The following KIAA0586 variants were observed in gnomAD, a reference collection of about 807,000 sequenced individuals.
KIAA0586 encodes KIAA0586, also known as protein TALPID3.
In KIAA0586, 144 loss-of-function variants were observed where a neutral mutation model predicts 169.8. The ratio of observed to expected loss-of-function variants is 0.85; its 90% CI spans 0.74 to 0.97. KIAA0586 has a LOEUF of 0.97. Among genes scored for constraint, KIAA0586 ranks in the 50% least tolerant of loss-of-function variants. The pLI is 0.00. For missense variants in KIAA0586, 1,854 were observed against 1,823.0 expected (o/e 1.02, Z -0.31); for synonymous variants, 625 against 612.4 (o/e 1.02, Z -0.30).
At chr14:58,447,441 A>ATCTTT (rs2038986373) in intron 6 of KIAA0586, among the ~76,000 whole-genome samples, 1 of 130,600 alleles carries the variant, frequency 7.7e-6, no homozygotes, top group South Asian at 2.6e-4. Flanking sequence ...CTCATTTCAG[A>ATCTTT]TATTTTATTT....
At position 58,445,653 on chromosome 14, in the gene KIAA0586, C is replaced by T. The variant is rs191718775; in HGVS notation, c.807+1478C>T. ...TCTACCATGTTGGCCAGACCAGTCT[C>T]GAACTCTTGGCCTCAAGTGATCCAC... On this transcript the variant is annotated intron_variant, in intron 6 of 30. Coordinates refer to ENST00000652326, the MANE Select transcript of KIAA0586 (RefSeq NM_001329943.3). Among the ~76,000 whole-genome samples, 9 of 151,758 alleles carry T rather than the reference C, an allele frequency of 5.9e-5. No homozygotes were observed. The East Asian group carries it at 1.8e-3, about 30-fold the overall frequency.
At chr14:58,448,296 T>G in intron 6 of KIAA0586, 44 bp from the exon 7 acceptor site, 1 of 1,253,958 alleles carries the variant, frequency 8.0e-7, no homozygotes. Flanking sequence ...TCTAACTCTT[T>G]CAAATGATAT....
intron 27 of KIAA0586, among the ~76,000 whole-genome samples, chr14:58,507,307 TATATC>T (rs1433709565): frequency 6.8e-6 from 1 of 147,212 alleles, no homozygotes; most frequent in Non-Finnish European, 1.5e-5. Flanking sequence ...GTATGATTTA[TATATC>T]ATATATATTT....
intron 4 of KIAA0586, among the ~76,000 whole-genome samples, chr14:58,438,757 T>G (rs560831855): frequency 6.6e-6 from 1 of 152,124 alleles, no homozygotes; most frequent in South Asian, 2.1e-4. Flanking sequence ...CATTGCACCT[T>G]AAAGGAGGAG....
At chr14:58,560,797 T>A in the KIAA0586 span, among the ~76,000 whole-genome samples, 1 of 152,230 alleles carries the variant, frequency 6.6e-6, no homozygotes, top group African/African-American at 2.4e-5. Context: ...CCCCTTTTAA[T>A]AAGAATCTTT....
At chr14:58,543,510 C>G (rs2046794284) in intron 30 of KIAA0586, among the ~76,000 whole-genome samples, 1 of 152,188 alleles carries the variant, frequency 6.6e-6, no homozygotes, top group African/African-American at 2.4e-5. Flanking sequence ...CTCTTATCCC[C>G]TCTGCCTTTT....
intron 28 of KIAA0586, among the ~76,000 whole-genome samples, chr14:58,511,209 C>T (rs546682458): frequency 1.3e-5 from 2 of 152,176 alleles, no homozygotes; most frequent in South Asian, 4.1e-4. Flanking sequence ...TAGAATAAAA[C>T]TATAAAGTGT....
intron 27 of KIAA0586, 41 bp downstream of exon 27, chr14:58,499,001 A>G: frequency 6.7e-7 from 1 of 1,496,592 alleles, no homozygotes; most frequent in Non-Finnish European, 9.0e-7. Context: ...TCATAGTAGT[A>G]TCCCTAATCT....
chr14:58,498,167 T>C (rs1365924972), intron 26 of KIAA0586, among the ~76,000 whole-genome samples: 1 of 152,030 alleles, frequency 6.6e-6, no homozygotes, highest in Non-Finnish European at 1.5e-5. Flanking sequence ...TGAGCCACCG[T>C]GCCCAGCTGA....
At chr14:58,434,155 T>C (rs2037615254) in intron 4 of KIAA0586, among the ~76,000 whole-genome samples, 3 of 152,098 alleles carry the variant, frequency 2.0e-5, no homozygotes, top group Admixed American at 2.0e-4. Context: ...AATAAGCAAA[T>C]CTTGGACAAG....
intron 5 of KIAA0586, among the ~76,000 whole-genome samples, chr14:58,443,163 C>T (rs113916345): frequency 1.6e-3 from 240 of 152,284 alleles, no homozygotes; most frequent in African/African-American, 5.5e-3. Flanking sequence ...CCTGGATAAT[C>T]GGTTATTCTT....
intron 14 of KIAA0586, among the ~76,000 whole-genome samples, chr14:58,463,812 C>A (rs1473744642): frequency 7.3e-6 from 1 of 136,116 alleles, no homozygotes; most frequent in Non-Finnish European, 1.6e-5. Context: ...GGTAACTGAG[C>A]AAGACCCTGT....
chr14:58,505,653 A>G (rs550590092), intron 27 of KIAA0586, among the ~76,000 whole-genome samples: 9 of 152,194 alleles, frequency 5.9e-5, no homozygotes, highest in Non-Finnish European at 1.2e-4. Context: ...ATACCTCAGT[A>G]GAAATATGAA....
At chr14:58,469,068 CG>C (rs1325209896) in intron 16 of KIAA0586, among the ~76,000 whole-genome samples, 1 of 152,164 alleles carries the variant, frequency 6.6e-6, no homozygotes, top group Non-Finnish European at 1.5e-5. Flanking sequence ...CCTGAACAAA[CG>C]AACTATCCAT....
At chr14:58,435,231 T>A (rs2037724889) in intron 4 of KIAA0586, among the ~76,000 whole-genome samples, 2 of 152,202 alleles carry the variant, frequency 1.3e-5, no homozygotes, top group Non-Finnish European at 2.9e-5. Context: ...CTACAATAAT[T>A]CATGATCTAT....
At chr14:58,461,920 A>G (rs753784081) in intron 14 of KIAA0586, among the ~76,000 whole-genome samples, 43 of 152,216 alleles carry the variant, frequency 2.8e-4, no homozygotes, top group Non-Finnish European at 5.4e-4. Context: ...GTATTTAAAT[A>G]CAACTTTTGG....
At position 58,435,131 on chromosome 14, in the gene KIAA0586, G is replaced by A. The variant is rs182820076; in HGVS notation, c.410+2674G>A. On this transcript the variant is annotated intron_variant, in intron 4 of 30. Transcript: ENST00000652326. ...CTTGATCTTTACAAAAGCCTAGCAC[G>A]TCTAATAATGTTTCAAGCTTAAGGA... Among the ~76,000 whole-genome samples, 8 of 152,174 alleles carry A rather than the reference G, an allele frequency of 5.3e-5. No individual in the cohort carries two copies. In the East Asian group the frequency reaches 5.8e-4, roughly 11 times the overall value.
chr14:58,504,516 C>A (rs752185062), intron 27 of KIAA0586, among the ~76,000 whole-genome samples: 2 of 152,106 alleles, frequency 1.3e-5, no homozygotes, highest in Non-Finnish European at 2.9e-5. Flanking sequence ...ATATGCCGGA[C>A]CAAAAACTCT....
At chr14:58,457,680 C>T in intron 10 of KIAA0586, 79 bp from the exon 11 acceptor site, 1 of 894,652 alleles carries the variant, frequency 1.1e-6, no homozygotes, top group South Asian at 1.8e-5. Flanking sequence ...TGTATGGCCT[C>T]AACAATAGTG....
Sources: allele counts gnomAD v4.1 joint callset (sites outside exome capture counted in the v4.1 genomes callset), GRCh38; gene constraint gnomAD v4.1.1; transcripts MANE v1.5; gene names NCBI Gene and HGNC (gene_info 2026-07-23, HGNC 2026-07-21).